Variants in CTNNA3 observed in about 807,000 individuals in gnomAD.
CTNNA3 encodes catenin alpha 3.
Under a neutral mutation model 95.7 loss-of-function variants are expected in CTNNA3, and 76 were observed. The observed-to-expected ratio is 0.79, with a 90% confidence interval of 0.66 to 0.96. The LOEUF is 0.96. CTNNA3 is among the 40% of genes least tolerant of loss of function. The probability of loss-of-function intolerance (pLI) is 0.00; values close to 1 mark genes in which losing one functional copy is unlikely to be tolerated. For synonymous variants in CTNNA3, 431 were observed against 374.4 expected (o/e 1.15, Z -1.74); for missense variants, 1,191 against 1,089.8 (o/e 1.09, Z -1.31).
intron 7 of CTNNA3, among the ~76,000 whole-genome samples, chr10:66,828,882 T>C (rs1285530959): frequency 6.6e-6 from 1 of 152,216 alleles, no homozygotes; most frequent in Non-Finnish European, 1.5e-5. Context: ...CACAGAGGGC[T>C]TGCCAGATTG....
intron 1 of CTNNA3, among the ~76,000 whole-genome samples, chr10:67,711,622 G>A (rs1164203842): frequency 1.3e-5 from 2 of 151,578 alleles, no homozygotes; most frequent in African/African-American, 2.4e-5. Context: ...TAGGGTACAT[G>A]TGCACATTGT....
At chr10:67,031,059 C>T (rs1853696878) in intron 7 of CTNNA3, among the ~76,000 whole-genome samples, 1 of 152,118 alleles carries the variant, frequency 6.6e-6, no homozygotes. Context: ...AGCCTCTGAA[C>T]ACACATTTTA....
At chr10:66,272,958 G>T (rs2091313561) in intron 13 of CTNNA3, among the ~76,000 whole-genome samples, 2 of 152,074 alleles carry the variant, frequency 1.3e-5, no homozygotes, top group South Asian at 4.1e-4. Flanking sequence ...TCTTAACTAA[G>T]CACTTATCAT....
At chr10:67,415,959 G>A (rs993815874) in intron 5 of CTNNA3, among the ~76,000 whole-genome samples, 1 of 152,102 alleles carries the variant, frequency 6.6e-6, no homozygotes, top group Admixed American at 6.5e-5. Flanking sequence ...GAAGACTGAA[G>A]CTGGGCCCAT....
chr10:66,756,278 A>G (rs776645656), intron 9 of CTNNA3, among the ~76,000 whole-genome samples: 1 of 152,188 alleles, frequency 6.6e-6, no homozygotes, highest in Admixed American at 6.5e-5. Context: ...ACCAAAGTGA[A>G]ACTCTCTAAG....
chr10:66,367,989 G>A (rs928200790), intron 12 of CTNNA3, among the ~76,000 whole-genome samples: 10 of 149,462 alleles, frequency 6.7e-5, no homozygotes, highest in Non-Finnish European at 1.3e-4. Flanking sequence ...GATCTGCTGG[G>A]CATCTGCCAA....
At chr10:66,803,954 C>T (rs149923431) in intron 7 of CTNNA3, among the ~76,000 whole-genome samples, 4 of 150,104 alleles carry the variant, frequency 2.7e-5, no homozygotes, top group Non-Finnish European at 4.4e-5. Context: ...TTAAAAGATG[C>T]CAGTTGTTTT....
intron 5 of CTNNA3, among the ~76,000 whole-genome samples, chr10:67,506,053 A>C (rs772717688): frequency 2.6e-5 from 4 of 152,240 alleles, no homozygotes; most frequent in Non-Finnish European, 5.9e-5. Flanking sequence ...TTATCTGGTC[A>C]ATGAATGCAA....
At chr10:67,675,119 T>C (rs1840512119) in intron 1 of CTNNA3, among the ~76,000 whole-genome samples, 1 of 152,126 alleles carries the variant, frequency 6.6e-6, no homozygotes, top group South Asian at 2.1e-4. Flanking sequence ...TAGTTTTCTT[T>C]TCTGTGAATT....
chr10:67,624,036 G>T (rs892953404), intron 2 of CTNNA3, among the ~76,000 whole-genome samples: 13 of 151,992 alleles, frequency 8.6e-5, no homozygotes, highest in African/African-American at 2.9e-4. Context: ...TGGTCAGGCT[G>T]GTCTCGAACT....
chr10:66,511,731 G>C (rs12248619), intron 11 of CTNNA3, among the ~76,000 whole-genome samples: 1 of 151,618 alleles, frequency 6.6e-6, no homozygotes, highest in East Asian at 1.9e-4. Context: ...AGAATACATG[G>C]TATAATTGCA....
chr10:67,488,890 C>T (rs1230612452), intron 5 of CTNNA3, among the ~76,000 whole-genome samples: 1 of 151,834 alleles, frequency 6.6e-6, no homozygotes, highest in Non-Finnish European at 1.5e-5. Flanking sequence ...GGCTGGTCAT[C>T]GCATCTGGCT....
At chr10:67,478,392 C>T (rs972556509) in intron 5 of CTNNA3, among the ~76,000 whole-genome samples, 17 of 152,060 alleles carry the variant, frequency 1.1e-4, no homozygotes, top group African/African-American at 4.1e-4. Context: ...GAAAAAACAT[C>T]AGATCACATA....
At chr10:66,062,357 C>T (rs2080219254) in intron 15 of CTNNA3, among the ~76,000 whole-genome samples, 1 of 152,022 alleles carries the variant, frequency 6.6e-6, no homozygotes, top group African/African-American at 2.4e-5. Context: ...TTCAAGTGTA[C>T]TACTACTACC....
chr10:66,311,245 A>G (rs1163302995), intron 12 of CTNNA3, among the ~76,000 whole-genome samples: 2 of 152,240 alleles, frequency 1.3e-5, no homozygotes, highest in Non-Finnish European at 2.9e-5. Flanking sequence ...CTTGGTTAAA[A>G]GAATGACAGA....
intron 9 of CTNNA3, among the ~76,000 whole-genome samples, chr10:66,698,985 G>C (rs1184208892): frequency 6.6e-6 from 1 of 152,130 alleles, no homozygotes; most frequent in African/African-American, 2.4e-5. Flanking sequence ...AGACTGGCCT[G>C]AGTAGCAGAA....
At chr10:67,754,305 G>C (rs1004890770) in intron 1 of CTNNA3, among the ~76,000 whole-genome samples, 1 of 151,814 alleles carries the variant, frequency 6.6e-6, no homozygotes, top group Non-Finnish European at 1.5e-5. Context: ...AGAGCCTATC[G>C]GGGGGGCGTT....
intron 5 of CTNNA3, among the ~76,000 whole-genome samples, chr10:67,222,036 TA>T (rs1864685249): frequency 6.6e-6 from 1 of 152,194 alleles, no homozygotes; most frequent in South Asian, 2.1e-4. Context: ...AACAGAGATC[TA>T]AACCTAAGTC....
At chr10:66,429,721 C>T (rs533158122) in intron 11 of CTNNA3, among the ~76,000 whole-genome samples, 1 of 152,274 alleles carries the variant, frequency 6.6e-6, no homozygotes, top group East Asian at 1.9e-4. Context: ...GCTAAAAACT[C>T]TCAATAAATT....
Sources: gnomAD v4.1 joint callset for allele counts (sites outside exome capture counted in the v4.1 genomes callset) on GRCh38, gnomAD v4.1.1 for gene constraint, MANE v1.5 for transcripts, NCBI Gene and HGNC (gene_info 2026-07-23, HGNC 2026-07-21) for gene names.